RCL1: variants seen among roughly 807,000 people sequenced by gnomAD.
The protein encoded by RCL1 is RNA 3'-terminal phosphate cyclase-like protein.
In RCL1, 24 loss-of-function variants were observed where a neutral mutation model predicts 42.4. That is an observed-to-expected ratio of 0.57 (90% CI 0.41 to 0.80). The LOEUF is 0.80. Among genes scored for constraint, RCL1 ranks in the 30% least tolerant of loss-of-function variants. RCL1 has a pLI of 0.00. For missense variants in RCL1, 578 were observed against 467.9 expected (o/e 1.24, Z -2.17); for synonymous variants, 228 against 177.3 (o/e 1.29, Z -2.27).
chr9:4,844,697 C>T lies in RCL1; in HGVS notation c.867+16C>T, dbSNP rs1817452323. 1 of 1,605,412 alleles carries T rather than the reference C, an allele frequency of 6.2e-7. No homozygotes were observed. The highest frequency in any genetic ancestry group is 8.5e-7 in the Non-Finnish European group (1 of 1,176,628). ...AATCTACAGGGTATGTCCACAGCTTCCTCTGATAGAGGAGTGACCAGGAAG... is the reference window on the plus strand; with the variant it reads ...AATCTACAGGGTATGTCCACAGCTTTCTCTGATAGAGGAGTGACCAGGAAG... On this transcript the variant is annotated intron_variant, in intron 7 of 8. Transcript: ENST00000381750.
intron 1 of RCL1, among the ~76,000 whole-genome samples, chr9:4,809,172 A>T (rs1333762548): frequency 6.6e-6 from 1 of 151,946 alleles, no homozygotes; most frequent in Non-Finnish European, 1.5e-5. Flanking sequence ...CCATTCCCTT[A>T]GCTATAGATA....
At chr9:4,854,472 C>A (rs17718377) in intron 8 of RCL1, among the ~76,000 whole-genome samples, 2 of 152,072 alleles carry the variant, frequency 1.3e-5, no homozygotes, top group Admixed American at 1.3e-4. Flanking sequence ...CAGCTCTGTC[C>A]CATATCCAGT....
intron 1 of RCL1, among the ~76,000 whole-genome samples, chr9:4,821,854 A>G (rs960714072): frequency 1.3e-5 from 2 of 152,232 alleles, no homozygotes; most frequent in East Asian, 1.9e-4. Flanking sequence ...GCATTCATCT[A>G]TTCATAAGGC....
intron 8 of RCL1, among the ~76,000 whole-genome samples, chr9:4,855,001 T>A (rs577941010): frequency 2.1e-5 from 3 of 146,054 alleles, no homozygotes; most frequent in African/African-American, 7.7e-5. Context: ...TGCAGTTAGC[T>A]GAGATCGCAC....
chr9:4,850,754 C>T, intron 8 of RCL1, among the ~76,000 whole-genome samples: 1 of 152,002 alleles, frequency 6.6e-6, no homozygotes, highest in East Asian at 1.9e-4. Flanking sequence ...GAGATGAGGG[C>T]TGGAAGAATG....
In RCL1 at chr9:4,812,584, G is replaced by A. The variant is rs1478193168; in HGVS notation, c.137-10964G>A. 3.3e-5 allele frequency among the ~76,000 whole-genome samples: 5 copies of A among 152,124 alleles called. No individual in the cohort carries two copies. The South Asian group carries it at 1.0e-3, about 32-fold the overall frequency. On this transcript the variant is annotated intron_variant, in intron 1 of 8. Transcript: ENST00000381750. ...AAAGTCACGTAGTGTAATGCCTCTT[G>A]CTTTGTTCTTTTTTCTCAGAATTGC...
At position 4,841,217 on chromosome 9, in the gene RCL1, A is replaced by C; in HGVS notation, c.585-15A>C. The C allele has an allele frequency of 6.2e-7, 1 of 1,613,900 alleles. No individual in the cohort carries two copies. The highest frequency in any genetic ancestry group is 8.5e-7 in the Non-Finnish European group (1 of 1,179,908). ...GGAATTCAAGCAGAATGACATCCTTAACTCCAGGCTGCAGGTACTCTGTAC... is the reference window on the plus strand; with the variant it reads ...GGAATTCAAGCAGAATGACATCCTTCACTCCAGGCTGCAGGTACTCTGTAC... On this transcript the variant is annotated splice_polypyrimidine_tract_variant and intron_variant, in intron 5 of 8. Transcript: ENST00000381750.
intron 1 of RCL1, among the ~76,000 whole-genome samples, chr9:4,802,124 C>T (rs1014311245): frequency 1.1e-4 from 16 of 141,680 alleles, no homozygotes; most frequent in Non-Finnish European, 2.1e-4. Flanking sequence ...GGGGTTTCAC[C>T]ATGTTGGCCA....
At chr9:4,819,576 A>G (rs937942301) in intron 1 of RCL1, among the ~76,000 whole-genome samples, 1 of 152,224 alleles carries the variant, frequency 6.6e-6, no homozygotes, top group African/African-American at 2.4e-5. Context: ...TGGGAGGTCG[A>G]GGCGGGGGGA....
chr9:4,854,870 C>T (rs1392945613), intron 8 of RCL1, among the ~76,000 whole-genome samples: 2 of 151,990 alleles, frequency 1.3e-5, no homozygotes, highest in African/African-American at 2.4e-5. Context: ...GCCTGGCCAA[C>T]ATGTGAAACC....
At chr9:4,808,389 C>T (rs1301337035) in intron 1 of RCL1, among the ~76,000 whole-genome samples, 1 of 151,860 alleles carries the variant, frequency 6.6e-6, no homozygotes, top group Non-Finnish European at 1.5e-5. Flanking sequence ...CTCATTGCCA[C>T]CTCCACCTCC....
In RCL1 at chr9:4,826,869, T is replaced by C. The variant is rs775878153; in HGVS notation, c.220T>C (p.Tyr74His). The part of the protein sequence containing the change: ...IEINQTGTTL[Y>H]YQPGLLYGGS... ...TCTTCTGGTTTAAGGAACAACCTTATATTATCAGCCTGGCCTCCTGTATGG... is the reference window on the plus strand; with the variant it reads ...TCTTCTGGTTTAAGGAACAACCTTACATTATCAGCCTGGCCTCCTGTATGG... Residue 74 changes from tyrosine (Y) to histidine (H), a missense_variant, in exon 3 of 9, where the codon TAT becomes CAT. By Grantham distance (83) the Tyr-to-His change is moderately conservative. Transcript: ENST00000381750. 2 of 1,612,884 alleles carry C rather than the reference T, an allele frequency of 1.2e-6. No homozygotes were observed. The highest frequency in any genetic ancestry group is 1.1e-5 in the South Asian group (1 of 90,782).
chr9:4,824,863 G>A (rs1471649342), intron 2 of RCL1, among the ~76,000 whole-genome samples: 1 of 152,150 alleles, frequency 6.6e-6, no homozygotes, highest in African/African-American at 2.4e-5. Flanking sequence ...ATTGCTGGAG[G>A]TTTTTTCAGT....
At chr9:4,807,627 C>T (rs1481570903) in intron 1 of RCL1, among the ~76,000 whole-genome samples, 1 of 152,214 alleles carries the variant, frequency 6.6e-6, no homozygotes, top group East Asian at 1.9e-4. Flanking sequence ...TCAAGTGATT[C>T]TCCTGCCTCA....
chr9:4,821,492 T>C (rs1019284418), intron 1 of RCL1, among the ~76,000 whole-genome samples: 1 of 152,204 alleles, frequency 6.6e-6, no homozygotes, highest in Non-Finnish European at 1.5e-5. Context: ...GGGTAATTTA[T>C]AAAAGAAAAG....
intron 1 of RCL1, chr9:4,804,647 C>G (rs1335318764): frequency 6.5e-6 from 1 of 153,798 alleles, no homozygotes; most frequent in East Asian, 1.9e-4. Flanking sequence ...CCGGTGTTGC[C>G]CGGTCCAACG....
chr9:4,826,132 C>A (rs1276020871), intron 2 of RCL1, among the ~76,000 whole-genome samples: 1 of 151,916 alleles, frequency 6.6e-6, no homozygotes, highest in Admixed American at 6.6e-5. Context: ...GTCGTGGTCC[C>A]AGCTATTCTG....
chr9:4,817,912 A>ATTTTTTTTTTT (rs66886360), intron 1 of RCL1, among the ~76,000 whole-genome samples: 4 of 78,356 alleles, frequency 5.1e-5, no homozygotes, highest in Admixed American at 1.6e-4. Flanking sequence ...CTTTTCTAAG[A>ATTTTTTTTTTT]TTTTTTTTTT....
chr9:4,803,320 A>T (rs1399120418), intron 1 of RCL1, among the ~76,000 whole-genome samples: 1 of 152,158 alleles, frequency 6.6e-6, no homozygotes, highest in Non-Finnish European at 1.5e-5. Flanking sequence ...TAGGATATTA[A>T]CACACATTTT....
Sources: gnomAD v4.1 joint callset for allele counts (sites outside exome capture counted in the v4.1 genomes callset) on GRCh38, gnomAD v4.1.1 for gene constraint, MANE v1.5 for transcripts, NCBI Gene and HGNC (gene_info 2026-07-23, HGNC 2026-07-21) for gene names.